The following KDM3B variants were observed in gnomAD, a reference collection of about 807,000 sequenced individuals.
KDM3B encodes the protein lysine-specific demethylase 3B.
KDM3B carries 10 observed loss-of-function variants against 170.0 expected under a neutral mutation model. That is an observed-to-expected ratio of 0.06 (90% CI 0.04 to 0.10). KDM3B has a LOEUF of 0.10. Among genes scored for constraint, KDM3B ranks in the 10% least tolerant of loss-of-function variants. The pLI, the probability that KDM3B is intolerant of heterozygous loss-of-function variation, is 1.00. For missense variants in KDM3B, 1,394 were observed against 2,195.2 expected (o/e 0.64, Z 7.29); for synonymous variants, 831 against 834.8 (o/e 1.00, Z 0.08).
Position 138,427,231 on chromosome 5 carries a change from C to A in KDM3B, c.4545C>A (p.Thr1515=). 1 of 1,614,002 alleles carries A rather than the reference C, an allele frequency of 6.2e-7. No individual in the cohort carries two copies. Among genetic ancestry groups the A allele is most frequent in the Non-Finnish European group, 8.5e-7 (1 of 1,179,908 alleles). ...LMENLPLPEY[T]KRDGRLNLAS... ...AGAACCTTCCTCTGCCAGAATATAC[C>A]AAACGAGATGGCAGGCTCAATCTGG... The change falls in exon 19 of 24, where the codon ACC becomes ACA. Residue 1515 remains threonine (T), a synonymous_variant. Coordinates refer to ENST00000314358, the MANE Select transcript of KDM3B (RefSeq NM_016604.4).
chr5:138,357,091 C>T (rs944814648), intron 1 of KDM3B, among the ~76,000 whole-genome samples: 7 of 152,064 alleles, frequency 4.6e-5, no homozygotes, highest in African/African-American at 1.7e-4. Context: ...ATAATTACAG[C>T]TCACTGCTGG....
chr5:138,386,947 A>C lies in KDM3B; in HGVS notation c.1380+326A>C, dbSNP rs73792445. On this transcript the variant is annotated intron_variant, in intron 7 of 23. Transcript: ENST00000314358. Reference sequence around the variant, plus strand: ...TTCACGTAGTGATCAAGCCTCTGCTAGGCCTATAAGAGGTGAGGTTAATGA... The same window carrying C: ...TTCACGTAGTGATCAAGCCTCTGCTCGGCCTATAAGAGGTGAGGTTAATGA... 3.6e-3 allele frequency among the ~76,000 whole-genome samples: 548 copies of C among 152,360 alleles called. 7 individuals are homozygous for C. The highest frequency in any genetic ancestry group is 0.013 in the African/African-American group (526 of 41,588).
chr5:138,407,358 C>T (rs917348919), intron 11 of KDM3B, among the ~76,000 whole-genome samples: 6 of 152,270 alleles, frequency 3.9e-5, no homozygotes, highest in South Asian at 4.1e-4. Flanking sequence ...AAAATTCCCT[C>T]GAGAACAAAT....
Position 138,379,578 on chromosome 5 carries a change from T to C in KDM3B, c.581-6T>C. ...AATACTCAATACTGACTGATCTCCC[T>C]TTTAGGTCCCTACAGTGTTCAAGGT... is the stretch of plus-strand genomic sequence containing the variant. On this transcript the variant is annotated splice_polypyrimidine_tract_variant and splice_region_variant and intron_variant, in intron 4 of 23. Transcript: ENST00000314358. 1 of 1,608,552 alleles carries C rather than the reference T, an allele frequency of 6.2e-7. No homozygotes were observed. The highest frequency in any genetic ancestry group is 8.5e-7 in the Non-Finnish European group (1 of 1,177,546).
chr5:138,434,176 A>G (rs1437250213), intron 23 of KDM3B, among the ~76,000 whole-genome samples: 1 of 152,130 alleles, frequency 6.6e-6, no homozygotes, highest in African/African-American at 2.4e-5. Flanking sequence ...GGATTACTTG[A>G]GCCCAGGAGT....
intron 1 of KDM3B, among the ~76,000 whole-genome samples, chr5:138,353,806 A>G (rs574502923): frequency 6.6e-6 from 1 of 152,248 alleles, no homozygotes; most frequent in African/African-American, 2.4e-5. Context: ...TTGTTCAGTC[A>G]TACAACTTAA....
At position 138,374,201 on chromosome 5, in the gene KDM3B, C is replaced by A. The variant is rs751904637; in HGVS notation, c.361-892C>A. The A allele has an allele frequency of 3.0e-3, 1,113 of 373,596 alleles. 14 individuals carry two copies. Among genetic ancestry groups the A allele is most frequent in the Non-Finnish European group, 5.1e-3 (943 of 183,910 alleles). 23.1% of individuals were successfully genotyped at this position (373,596 alleles called of 1,614,324 possible). A position where few individuals can be genotyped will look rare whatever the true frequency, so the allele number is the denominator to read the frequency against. On this transcript the variant is annotated intron_variant, in intron 2 of 23. Transcript: ENST00000314358. ...TAGAGACAGGGTTTCACCATGTTGT[C>A]CAGGCTGGTCTTGAACTCCTAACCT... is the stretch of plus-strand genomic sequence containing the variant.
Position 138,391,187 on chromosome 5 carries a change from A to G in KDM3B, c.1555A>G (p.Thr519Ala), listed in dbSNP as rs754954346. 3.1e-6 allele frequency: 5 copies of G among 1,614,134 alleles called. No homozygotes were observed. Among genetic ancestry groups the G allele is most frequent in the Non-Finnish European group, 4.2e-6 (5 of 1,179,990 alleles). ...CSSAQEAQKDTDLSKNLFFQC... is the reference protein window; with the variant it reads ...CSSAQEAQKDADLSKNLFFQC... ...CTCTGCACAAGAGGCACAGAAAGAC[A>G]CTGATCTCTCCAAAAACTTGTTTTT... The change falls in exon 8 of 24, where the codon ACT becomes GCT. Residue 519 changes from threonine (T) to alanine (A), a missense_variant. Physicochemically the swap from Thr to Ala is moderately conservative, Grantham distance 58 (BLOSUM62 0). Coordinates refer to ENST00000314358, the MANE Select transcript of KDM3B (RefSeq NM_016604.4). The surrounding 1 kb of genome is among the most constrained non-coding windows in gnomAD (Gnocchi z 5.0).
intron 1 of KDM3B, among the ~76,000 whole-genome samples, chr5:138,355,912 C>T (rs905786116): frequency 1.3e-5 from 2 of 152,178 alleles, no homozygotes; most frequent in African/African-American, 2.4e-5. Context: ...AATGCTAGTA[C>T]AAAAAACATG....
intron 11 of KDM3B, among the ~76,000 whole-genome samples, chr5:138,409,520 G>A (rs1000210113): frequency 1.3e-5 from 2 of 152,102 alleles, no homozygotes; most frequent in African/African-American, 4.8e-5. Flanking sequence ...GACAAATTTA[G>A]CCAATACCTA....
intron 9 of KDM3B, 89 bp from the exon 10 acceptor site, chr5:138,398,089 C>T (rs1762591029): frequency 1.0e-6 from 1 of 964,574 alleles, no homozygotes; most frequent in African/African-American, 1.6e-5. Flanking sequence ...CCTGTTGTCT[C>T]ATTTTACTTC....
intron 7 of KDM3B, among the ~76,000 whole-genome samples, chr5:138,390,480 A>G (rs1321600594): frequency 2.0e-5 from 3 of 152,210 alleles, no homozygotes; most frequent in Non-Finnish European, 4.4e-5. Context: ...TCAGATTAAT[A>G]AGGAAAACAC....
chr5:138,385,207 G>A (rs1762228115), intron 6 of KDM3B, among the ~76,000 whole-genome samples: 1 of 151,948 alleles, frequency 6.6e-6, no homozygotes, highest in Non-Finnish European at 1.5e-5. Context: ...TTTTAGTAGA[G>A]ACAGGGTTTC....
chr5:138,418,819 A>T, intron 13 of KDM3B, 134 bp from the exon 14 acceptor site: 1 of 856,266 alleles, frequency 1.2e-6, no homozygotes, highest in Non-Finnish European at 1.9e-6. Context: ...ATGTTGAATT[A>T]AATAATGTAT....
intron 7 of KDM3B, among the ~76,000 whole-genome samples, chr5:138,390,097 G>T (rs1762390361): frequency 1.3e-5 from 2 of 151,978 alleles, no homozygotes; most frequent in Non-Finnish European, 1.5e-5. Context: ...CAGACCTCGT[G>T]ATCCGCCCAT....
At position 138,379,634 on chromosome 5, in the gene KDM3B, G is replaced by C; in HGVS notation, c.631G>C (p.Glu211Gln). The C allele has an allele frequency of 6.2e-7, 1 of 1,613,732 alleles. No individual in the cohort carries two copies. Among genetic ancestry groups the C allele is most frequent in the African/African-American group, 1.3e-5 (1 of 75,028 alleles). Residue 211 changes from glutamate to glutamine, a missense_variant, in exon 5 of 24, where the codon GAA becomes CAA. This residue lies in a region of KDM3B where 166 missense variants were observed against 216.4 expected (regional missense o/e 0.77). Transcript: ENST00000314358. ...HRVKIYQPEG[E>Q]EGWLYGVVSH... ...GGTCAAAATATATCAGCCAGAGGGG[G>C]AAGAAGGGTGGCTCTATGGTGTTGT...
At chr5:138,375,358 T>A (rs1297194797) in intron 3 of KDM3B, 152 bp downstream of exon 3, 2 of 304,870 alleles carry the variant, frequency 6.6e-6, no homozygotes, top group African/African-American at 4.4e-5. Context: ...GTGCCTTTTT[T>A]ATTTTATTTT....
At chr5:138,378,226 T>C (rs1022918643) in intron 4 of KDM3B, among the ~76,000 whole-genome samples, 2 of 152,230 alleles carry the variant, frequency 1.3e-5, no homozygotes, top group South Asian at 4.1e-4. Context: ...AGTTGAGTTT[T>C]AGTTTTTTTT....
intron 1 of KDM3B, among the ~76,000 whole-genome samples, chr5:138,358,735 C>G (rs1761521023): frequency 6.6e-6 from 1 of 151,914 alleles, no homozygotes; most frequent in African/African-American, 2.4e-5. Flanking sequence ...GCTGGGACTA[C>G]AGGTGCACAA....
Sources: gnomAD v4.1 joint callset for allele counts (sites outside exome capture counted in the v4.1 genomes callset) on GRCh38, gnomAD v4.1.1 for gene constraint, gnomAD v4.1.1 regional missense constraint, Gnocchi (gnomAD v3.1) non-coding constraint, MANE v1.5 for transcripts, NCBI Gene and HGNC (gene_info 2026-07-23, HGNC 2026-07-21) for gene names.